RBFOX1: variants seen among roughly 807,000 people sequenced by gnomAD.
The protein encoded by RBFOX1 is RNA binding fox-1 homolog 1.
In RBFOX1, 8 loss-of-function variants were observed where a neutral mutation model predicts 57.7. That is an observed-to-expected ratio of 0.14 (90% CI 0.08 to 0.25). The LOEUF (loss-of-function observed/expected upper bound fraction) is 0.25, where lower values mean the gene tolerates loss of function less well. Ranked by LOEUF, RBFOX1 falls within the 10% of genes least tolerant of loss-of-function variation. RBFOX1 has a pLI of 1.00. For synonymous variants in RBFOX1, 326 were observed against 222.4 expected (o/e 1.47, Z -4.15); for missense variants, 611 against 548.5 (o/e 1.11, Z -1.14).
At chr16:6,763,294 T>C (rs1603616947) in intron 3 of RBFOX1, among the ~76,000 whole-genome samples, 1 of 150,828 alleles carries the variant, frequency 6.6e-6, no homozygotes. Flanking sequence ...AGCAAAGTCA[T>C]TGGAAAAACC....
chr16:6,932,915 C>G lies in RBFOX1; in HGVS notation c.-15-119142C>G, dbSNP rs554011073. Among the ~76,000 whole-genome samples, 3 of 152,302 alleles carry G rather than the reference C, an allele frequency of 2.0e-5. No individual in the cohort carries two copies. In the South Asian group the frequency reaches 6.2e-4, roughly 32 times the overall value. On this transcript the variant is annotated intron_variant, in intron 3 of 15. Coordinates refer to ENST00000550418, the MANE Select transcript of RBFOX1 (RefSeq NM_018723.4). ...TAACTCCCATTATGTCTTCCCCCAGCCCCTGGCAACTACTATTCTCCTTTC... is the reference window on the plus strand; with the variant it reads ...TAACTCCCATTATGTCTTCCCCCAGGCCCTGGCAACTACTATTCTCCTTTC...
In RBFOX1 at chr16:6,082,176, CTTT is replaced by C. The variant is rs58215856; in HGVS notation, c.-127+62204_-127+62206del. 3.4e-3 allele frequency among the ~76,000 whole-genome samples: 309 copies of C among 89,874 alleles called. 1 individual carries two copies. Among genetic ancestry groups the C allele is most frequent in the East Asian group, 0.029 (79 of 2,692 alleles). The allele number at this position is 89,874 out of a possible 152,430, so 59.0% of individuals were successfully genotyped here. ...TGTTGGTCACTTACCAATACCAGTG[CTTT>C]TTTTTTTTTTTTTTTTTTTGAGATG... On this transcript the variant is annotated intron_variant, in intron 1 of 15. Coordinates refer to ENST00000550418, the MANE Select transcript of RBFOX1 (RefSeq NM_018723.4).
At chr16:6,509,250 A>G (rs747789601) in intron 2 of RBFOX1, among the ~76,000 whole-genome samples, 2 of 152,158 alleles carry the variant, frequency 1.3e-5, no homozygotes, top group African/African-American at 2.4e-5. Context: ...TTTTTTTCCT[A>G]TGCGGTTATT....
chr16:7,304,543 CCG>C, intron 4 of RBFOX1: 3 of 985,328 alleles, frequency 3.0e-6, no homozygotes, highest in Non-Finnish European at 3.6e-6. Context: ...AGATGGGTCC[CCG>C]CGCGTACTGG....
At chr16:7,253,038 C>G (rs546949886) in intron 4 of RBFOX1, among the ~76,000 whole-genome samples, 1 of 152,156 alleles carries the variant, frequency 6.6e-6, no homozygotes, top group African/African-American at 2.4e-5. Context: ...GAGTGTTCTG[C>G]ATCTTTTCCA....
intron 3 of RBFOX1, among the ~76,000 whole-genome samples, chr16:6,683,962 C>T (rs1056835499): frequency 2.6e-5 from 4 of 152,154 alleles, no homozygotes; most frequent in Non-Finnish European, 4.4e-5. Context: ...AATACCTCTT[C>T]CCTTCTTTTC....
intron 3 of RBFOX1, among the ~76,000 whole-genome samples, chr16:5,783,058 C>T (rs748649875): frequency 1.3e-5 from 2 of 152,180 alleles, no homozygotes. Context: ...AGTAATATTT[C>T]ACCAAATATC....
chr16:6,617,192 T>G (rs551004943), intron 2 of RBFOX1, among the ~76,000 whole-genome samples: 2 of 152,080 alleles, frequency 1.3e-5, no homozygotes, highest in African/African-American at 2.4e-5. Context: ...TGATCTCATC[T>G]GTATAGGGTT....
chr16:7,218,743 A>T (rs1386455817), intron 4 of RBFOX1, among the ~76,000 whole-genome samples: 5 of 145,042 alleles, frequency 3.4e-5, no homozygotes, highest in East Asian at 2.0e-4. Flanking sequence ...TTTTTTTTTT[A>T]AAGTAGTTTT....
At chr16:6,048,955 C>G (rs942966432) in intron 1 of RBFOX1, among the ~76,000 whole-genome samples, 2 of 151,446 alleles carry the variant, frequency 1.3e-5, no homozygotes, top group South Asian at 2.1e-4. Context: ...TGGGGTTTCC[C>G]TTGGAAGGAG....
At chr16:6,267,325 A>G (rs1452193389) in intron 1 of RBFOX1, among the ~76,000 whole-genome samples, 1 of 152,138 alleles carries the variant, frequency 6.6e-6, no homozygotes, top group Non-Finnish European at 1.5e-5. Flanking sequence ...AATGAACTCT[A>G]CTCATATTAT....
At chr16:7,376,933 C>A (rs2097695741) in intron 4 of RBFOX1, among the ~76,000 whole-genome samples, 1 of 152,128 alleles carries the variant, frequency 6.6e-6, no homozygotes, top group South Asian at 2.1e-4. Context: ...GTATGAATGA[C>A]TGGCCTCATA....
At chr16:7,143,151 C>T (rs2074206805) in intron 4 of RBFOX1, among the ~76,000 whole-genome samples, 2 of 152,058 alleles carry the variant, frequency 1.3e-5, no homozygotes, top group African/African-American at 2.4e-5. Flanking sequence ...AAAAGCCGTA[C>T]GTGTTTTTTG....
chr16:7,151,679 T>G (rs990201743), intron 4 of RBFOX1, among the ~76,000 whole-genome samples: 1 of 152,160 alleles, frequency 6.6e-6, no homozygotes, highest in Non-Finnish European at 1.5e-5. Flanking sequence ...TTGTAATATA[T>G]AATGAAATAA....
At chr16:7,287,525 C>T (rs943325025) in intron 4 of RBFOX1, among the ~76,000 whole-genome samples, 1 of 152,192 alleles carries the variant, frequency 6.6e-6, no homozygotes, top group Admixed American at 6.5e-5. Context: ...AGGCTCTGAC[C>T]TGGGGTATAA....
At chr16:5,727,862 GT>G (rs200611714) in intron 3 of RBFOX1, among the ~76,000 whole-genome samples, 3 of 151,960 alleles carry the variant, frequency 2.0e-5, no homozygotes, top group Non-Finnish European at 1.5e-5. Flanking sequence ...AATATTTCAG[GT>G]TTTTTTTGTA....
rs191120319 is a variant in RBFOX1, at chr16:7,661,789, G to C, written c.891-3140G>C. On this transcript the variant is annotated intron_variant, in intron 12 of 15. Coordinates refer to ENST00000550418, the MANE Select transcript of RBFOX1 (RefSeq NM_018723.4). ...TGTTTGAGCTTTTCACAATGAGAAA[G>C]CTACACTAGTTCTTCTTTGGTTCAG... Among the ~76,000 whole-genome samples, 131 of 152,272 alleles carry C rather than the reference G, an allele frequency of 8.6e-4. 1 individual carries two copies. The highest frequency in any genetic ancestry group is 2.9e-3 in the African/African-American group (119 of 41,558).
At chr16:7,155,795 A>G (rs2076999089) in intron 4 of RBFOX1, among the ~76,000 whole-genome samples, 1 of 148,904 alleles carries the variant, frequency 6.7e-6, no homozygotes, top group Admixed American at 6.8e-5. Flanking sequence ...ATAATCATTC[A>G]GCTATTCTAA....
chr16:6,748,608 A>G (rs1473976003), intron 3 of RBFOX1, among the ~76,000 whole-genome samples: 6 of 152,190 alleles, frequency 3.9e-5, no homozygotes, highest in Admixed American at 2.6e-4. Context: ...GTTGTGAGTT[A>G]TAATTACACC....
Sources: allele counts gnomAD v4.1 joint callset (sites outside exome capture counted in the v4.1 genomes callset), GRCh38; gene constraint gnomAD v4.1.1; transcripts MANE v1.5; gene names NCBI Gene and HGNC (gene_info 2026-07-23, HGNC 2026-07-21).